The following CAMK2D variants were observed in gnomAD, a reference collection of about 807,000 sequenced individuals.
CAMK2D encodes calcium/calmodulin-dependent protein kinase type II subunit delta.
In CAMK2D, 37 loss-of-function variants were observed where a neutral mutation model predicts 84.0. That is an observed-to-expected ratio of 0.44 (90% CI 0.34 to 0.58). The LOEUF (loss-of-function observed/expected upper bound fraction) is 0.58, where lower values mean the gene tolerates loss of function less well. Among genes scored for constraint, CAMK2D ranks in the 20% least tolerant of loss-of-function variants. CAMK2D has a pLI of 0.02. For synonymous variants in CAMK2D, 202 were observed against 212.5 expected, an observed-to-expected ratio of 0.95 and a Z score of 0.43; for missense variants, 448 against 652.5, an observed-to-expected ratio of 0.69 and a Z score of 3.41.
chr4:113,541,894 C>T (rs757062623), intron 6 of CAMK2D, among the ~76,000 whole-genome samples: 1 of 151,940 alleles, frequency 6.6e-6, no homozygotes, highest in Non-Finnish European at 1.5e-5. Context: ...GCTCACTTGT[C>T]TCATTTGTAT....
chr4:113,455,727 A>G lies in CAMK2D; in HGVS notation c.*28T>C. The G allele has an allele frequency of 6.4e-7, 1 of 1,570,906 alleles. No individual in the cohort carries two copies. The highest frequency in any genetic ancestry group is 8.8e-7 in the Non-Finnish European group (1 of 1,142,058). On this transcript the variant is annotated splice_region_variant and 3_prime_UTR_variant, in exon 20 of 21. Transcript: ENST00000511664. ...ATCACGGAGCAGGATGTTACTTACAAGACCCATATGTGAATGGTTTTCAGG... is the reference window on the plus strand; with the variant it reads ...ATCACGGAGCAGGATGTTACTTACAGGACCCATATGTGAATGGTTTTCAGG...
intron 3 of CAMK2D, among the ~76,000 whole-genome samples, chr4:113,616,847 T>A (rs757265776): frequency 7.9e-5 from 12 of 152,192 alleles, no homozygotes; most frequent in Admixed American, 3.3e-4. Context: ...CTGGAAACAT[T>A]CTTTGTTTTC....
rs181270193 is a variant in CAMK2D, at chr4:113,717,067, G to A, written c.160+42253C>T. 2.4e-4 allele frequency among the ~76,000 whole-genome samples: 37 copies of A among 152,186 alleles called. No individual in the cohort carries two copies. The East Asian group carries it at 5.6e-3, about 23-fold the overall frequency. ...TTTACCTTTTCCAAGTTTTAAAAGCGATCAGGTTCAAATAAACATTCTAGT... is the reference window on the plus strand; with the variant it reads ...TTTACCTTTTCCAAGTTTTAAAAGCAATCAGGTTCAAATAAACATTCTAGT... On this transcript the variant is annotated intron_variant, in intron 2 of 20. Coordinates refer to ENST00000511664, the MANE Select transcript of CAMK2D (RefSeq NM_001321571.2).
In CAMK2D at chr4:113,624,833, T is replaced by C. The variant is rs143426765; in HGVS notation, c.221-15627A>G. 3.6e-3 allele frequency among the ~76,000 whole-genome samples: 543 copies of C among 152,324 alleles called. 3 individuals carry two copies. The highest frequency in any genetic ancestry group is 5.4e-3 in the Admixed American group (82 of 15,286). ...GAAAATAAATGGAAAGTCCAAACTT[T>C]AGACACATGGTAACCTATAATCAAC... On this transcript the variant is annotated intron_variant, in intron 3 of 20. Transcript: ENST00000511664.
chr4:113,507,124 T>C (rs1305135489), intron 13 of CAMK2D, among the ~76,000 whole-genome samples: 1 of 152,202 alleles, frequency 6.6e-6, no homozygotes, highest in Admixed American at 6.5e-5. Flanking sequence ...TTTTTTCCTA[T>C]GGAAAATCTT....
At chr4:113,514,589 C>T (rs903956092) in intron 10 of CAMK2D, among the ~76,000 whole-genome samples, 2 of 152,042 alleles carry the variant, frequency 1.3e-5, no homozygotes, top group Non-Finnish European at 2.9e-5. Flanking sequence ...TCTCCAGATC[C>T]CCCTCAAATT....
At chr4:113,709,746 GATATATATATATATATATATATAT>G (rs397995032) in intron 2 of CAMK2D, among the ~76,000 whole-genome samples, 7 of 49,806 alleles carry the variant, frequency 1.4e-4, no homozygotes, top group African/African-American at 3.4e-4. Context: ...AGCCGTGAAC[GATATATATATATATATATATATAT>G]ATATATATAT....
intron 4 of CAMK2D, among the ~76,000 whole-genome samples, chr4:113,589,468 C>T (rs909222495): frequency 3.9e-5 from 6 of 151,918 alleles, no homozygotes; most frequent in African/African-American, 1.2e-4. Context: ...ATGGCTGGAG[C>T]GGAGTGAAAT....
At chr4:113,529,688 G>T (rs1456808019) in intron 8 of CAMK2D, among the ~76,000 whole-genome samples, 1 of 152,118 alleles carries the variant, frequency 6.6e-6, no homozygotes, top group Non-Finnish European at 1.5e-5. Flanking sequence ...CTTTGGGCCT[G>T]CATAGGATAC....
intron 8 of CAMK2D, among the ~76,000 whole-genome samples, chr4:113,519,293 T>C (rs1202721391): frequency 6.6e-6 from 1 of 152,220 alleles, no homozygotes; most frequent in Non-Finnish European, 1.5e-5. Context: ...ATTCTCAACA[T>C]AGGCTGTTTG....
intron 2 of CAMK2D, among the ~76,000 whole-genome samples, chr4:113,688,237 T>G (rs1445370102): frequency 6.6e-6 from 1 of 152,184 alleles, no homozygotes; most frequent in Non-Finnish European, 1.5e-5. Context: ...GCCAAACGTG[T>G]GTCCCTCACA....
intron 4 of CAMK2D, among the ~76,000 whole-genome samples, chr4:113,579,415 G>A (rs894620804): frequency 6.6e-6 from 1 of 152,154 alleles, no homozygotes; most frequent in South Asian, 2.1e-4. Context: ...TACTGCTGTA[G>A]ATGGGGCATA....
intron 14 of CAMK2D, chr4:113,503,437 A>C (rs1024863923): frequency 8.6e-6 from 3 of 348,036 alleles, no homozygotes; most frequent in Non-Finnish European, 1.7e-5. Context: ...TGGTGTCATT[A>C]ATTAATACGT....
At chr4:113,466,289 T>TAA (rs1564431859) in intron 16 of CAMK2D, among the ~76,000 whole-genome samples, 3 of 87,372 alleles carry the variant, frequency 3.4e-5, no homozygotes, top group Non-Finnish European at 5.1e-5. Flanking sequence ...TAAATAAATA[T>TAA]AAAATAAAAT....
At chr4:113,608,080 T>C (rs59381897) in intron 4 of CAMK2D, among the ~76,000 whole-genome samples, 7,309 of 152,244 alleles carry the variant, frequency 0.048, 608 homozygotes, top group African/African-American at 0.16. Context: ...ACTTATGCAA[T>C]AGAATTTGGA....
intron 2 of CAMK2D, among the ~76,000 whole-genome samples, chr4:113,694,960 G>A (rs1266672713): frequency 1.3e-5 from 2 of 152,102 alleles, no homozygotes; most frequent in Non-Finnish European, 1.5e-5. Flanking sequence ...ATTAGCATAT[G>A]GTTGATGGAA....
chr4:113,645,746 C>T (rs901514619), intron 3 of CAMK2D, among the ~76,000 whole-genome samples: 1 of 151,962 alleles, frequency 6.6e-6, no homozygotes. Flanking sequence ...ATTGATAGTG[C>T]TGTTCTGCTT....
rs1207611555 is a variant in CAMK2D, at chr4:113,455,755, T to C, written c.1602A>G (p.Ter534=). 17 of 1,611,196 alleles carry C rather than the reference T, an allele frequency of 1.1e-5. No individual in the cohort carries two copies. The highest frequency in any genetic ancestry group is 1.6e-4 in the Middle Eastern group (1 of 6,066). The change falls in exon 20 of 21, where the codon TAA becomes TAG. Residue 534 remains the stop codon, a stop_retained_variant. Coordinates refer to ENST00000511664, the MANE Select transcript of CAMK2D (RefSeq NM_001321571.2). ...SGGTSLWQNI[*] ...CCCATATGTGAATGGTTTTCAGGCC[T>C]TAGATGTTTTGCCACAAAGAGGTGC...
chr4:113,535,526 A>C (rs1417750098), intron 7 of CAMK2D, among the ~76,000 whole-genome samples: 1 of 152,212 alleles, frequency 6.6e-6, no homozygotes, highest in African/African-American at 2.4e-5. Context: ...ACCAGATCCC[A>C]AAATCTCTAA....
Sources: gnomAD v4.1 joint callset for allele counts (sites outside exome capture counted in the v4.1 genomes callset) on GRCh38, gnomAD v4.1.1 for gene constraint, MANE v1.5 for transcripts, NCBI Gene and HGNC (gene_info 2026-07-23, HGNC 2026-07-21) for gene names.